The following PPM1H variants were observed in gnomAD, a reference collection of about 807,000 sequenced individuals.
PPM1H encodes protein phosphatase, Mg2+/Mn2+ dependent 1H.
In PPM1H, 27 loss-of-function variants were observed where a neutral mutation model predicts 54.9. The ratio of observed to expected loss-of-function variants is 0.49; its 90% confidence interval spans 0.36 to 0.68. The LOEUF is 0.68. Ranked by LOEUF, PPM1H falls within the 30% of genes least tolerant of loss-of-function variation. The pLI, the probability that PPM1H is intolerant of heterozygous loss-of-function variation, is 0.00. For missense variants in PPM1H, 596 were observed against 667.8 expected (o/e 0.89, Z 1.19); for synonymous variants, 305 against 270.8 (o/e 1.13, Z -1.24).
intron 4 of PPM1H, among the ~76,000 whole-genome samples, chr12:62,754,108 C>T (rs2076456446): frequency 6.6e-6 from 1 of 152,126 alleles, no homozygotes; most frequent in Non-Finnish European, 1.5e-5. Flanking sequence ...CCCAAAAGTC[C>T]TCAAAAATGA....
intron 5 of PPM1H, among the ~76,000 whole-genome samples, chr12:62,737,191 A>G (rs1438890427): frequency 6.8e-6 from 1 of 147,306 alleles, no homozygotes; most frequent in Non-Finnish European, 1.5e-5. Context: ...TCAAAACTGC[A>G]TTTCACATTG....
intron 6 of PPM1H, among the ~76,000 whole-genome samples, chr12:62,695,905 G>A (rs545811275): frequency 6.6e-6 from 1 of 152,320 alleles, no homozygotes; most frequent in East Asian, 1.9e-4. Context: ...TGAGGAGACA[G>A]GCCCGCACAG....
At chr12:62,740,481 C>G (rs1441688728) in intron 4 of PPM1H, among the ~76,000 whole-genome samples, 1 of 152,208 alleles carries the variant, frequency 6.6e-6, no homozygotes, top group African/African-American at 2.4e-5. Context: ...CAGTATTCTC[C>G]CTGGGTGCTC....
In PPM1H at chr12:62,683,030, TTATTTATTA is replaced by T. The variant is rs1421094650; in HGVS notation, c.1245+6660_1245+6668del. Among the ~76,000 whole-genome samples, 9 of 126,638 alleles carry T rather than the reference TTATTTATTA, an allele frequency of 7.1e-5. No individual in the cohort carries two copies. In the South Asian group the frequency reaches 1.3e-3, roughly 18 times the overall value. 83.1% of individuals were successfully genotyped at this position (126,638 alleles called of 152,430 possible). On this transcript the variant is annotated intron_variant, in intron 8 of 9. Transcript: ENST00000228705. ...TAGATACTACATTTGGGAGAGTTTA[TTATTTATTA>T]TTATTATTATTATTATTATTATTAT... is the stretch of plus-strand genomic sequence containing the variant.
chr12:62,845,146 G>A (rs960964759), intron 1 of PPM1H, among the ~76,000 whole-genome samples: 11 of 152,218 alleles, frequency 7.2e-5, no homozygotes, highest in African/African-American at 2.7e-4. Context: ...CTGCAAAGGA[G>A]GGAAATTCCA....
chr12:62,800,763 C>T (rs867094964), intron 3 of PPM1H, among the ~76,000 whole-genome samples: 3 of 152,276 alleles, frequency 2.0e-5, no homozygotes, highest in South Asian at 4.1e-4. Flanking sequence ...ATCTTTAAAA[C>T]CAAAATAATT....
chr12:62,875,301 C>G (rs989827321), intron 1 of PPM1H, among the ~76,000 whole-genome samples: 1 of 152,116 alleles, frequency 6.6e-6, no homozygotes, highest in Non-Finnish European at 1.5e-5. Context: ...CAATTCCCCC[C>G]AAAAATCCTA....
rs549401542 is a variant in PPM1H at position 62,871,567 on chromosome 12, G to C, written c.246-39288C>G. ...TCTCACTCTGTTGTCCATGCTGGAG[G>C]GTACTGGTGCCATCTTGGCTCACTG... On this transcript the variant is annotated intron_variant, in intron 1 of 9. Coordinates refer to ENST00000228705, the MANE Select transcript of PPM1H (RefSeq NM_020700.2). Among the ~76,000 whole-genome samples, 4 of 149,050 alleles carry C rather than the reference G, an allele frequency of 2.7e-5. No individual in the cohort carries two copies. In the East Asian group the frequency reaches 6.0e-4, roughly 22 times the overall value.
At chr12:62,732,058 G>A (rs1237548396) in intron 5 of PPM1H, among the ~76,000 whole-genome samples, 1 of 152,096 alleles carries the variant, frequency 6.6e-6, no homozygotes, top group East Asian at 1.9e-4. Flanking sequence ...AATCACCATG[G>A]AGACCTTAGA....
chr12:62,726,053 A>G (rs988215019), intron 5 of PPM1H, among the ~76,000 whole-genome samples: 10 of 151,758 alleles, frequency 6.6e-5, no homozygotes, highest in African/African-American at 2.2e-4. Context: ...TATTTTTACC[A>G]CTCTCTCTTT....
At chr12:62,819,010 G>T (rs150551067) in intron 2 of PPM1H, among the ~76,000 whole-genome samples, 1 of 151,786 alleles carries the variant, frequency 6.6e-6, no homozygotes, top group Non-Finnish European at 1.5e-5. Context: ...CAGTAGAGAC[G>T]GGGTTTCACT....
At chr12:62,771,404 G>C (rs1358854247) in intron 4 of PPM1H, among the ~76,000 whole-genome samples, 1 of 151,668 alleles carries the variant, frequency 6.6e-6, no homozygotes, top group Non-Finnish European at 1.5e-5. Flanking sequence ...TAAGAATACA[G>C]TTCTAGGGTC....
intron 4 of PPM1H, among the ~76,000 whole-genome samples, chr12:62,777,397 C>T (rs2076617294): frequency 6.6e-6 from 1 of 152,202 alleles, no homozygotes; most frequent in Non-Finnish European, 1.5e-5. Context: ...CTGCCTACTT[C>T]ACGGTAGCTT....
At chr12:62,715,955 T>C (rs1386704511) in intron 6 of PPM1H, among the ~76,000 whole-genome samples, 1 of 152,188 alleles carries the variant, frequency 6.6e-6, no homozygotes, top group East Asian at 1.9e-4. Context: ...AGAGGGCCCC[T>C]GCTTAAATGT....
chr12:62,785,946 G>A (rs773966681), intron 4 of PPM1H, among the ~76,000 whole-genome samples: 2 of 152,156 alleles, frequency 1.3e-5, no homozygotes, highest in East Asian at 1.9e-4. Context: ...TTCCAGCCGG[G>A]AAGTTGAGTT....
chr12:62,776,568 A>C (rs2076612506), intron 4 of PPM1H, among the ~76,000 whole-genome samples: 1 of 152,208 alleles, frequency 6.6e-6, no homozygotes, highest in Non-Finnish European at 1.5e-5. Flanking sequence ...CTTGTGCTTT[A>C]AGCACATCAT....
At chr12:62,779,079 C>G (rs560795210) in intron 4 of PPM1H, among the ~76,000 whole-genome samples, 1 of 152,002 alleles carries the variant, frequency 6.6e-6, no homozygotes, top group East Asian at 1.9e-4. Context: ...GCTCTGTCAC[C>G]CAGGCTGGAG....
At chr12:62,913,898 C>G (rs1428830788) in intron 1 of PPM1H, among the ~76,000 whole-genome samples, 2 of 152,096 alleles carry the variant, frequency 1.3e-5, no homozygotes, top group Non-Finnish European at 2.9e-5. Flanking sequence ...TGGGATTTTA[C>G]CATGTTGGCC....
chr12:62,783,128 G>A (rs972050567), intron 4 of PPM1H, among the ~76,000 whole-genome samples: 5 of 152,076 alleles, frequency 3.3e-5, no homozygotes, highest in African/African-American at 9.7e-5. Flanking sequence ...CACTGCACTC[G>A]GCCAAAAACA....
Sources: gnomAD v4.1 joint callset for allele counts (sites outside exome capture counted in the v4.1 genomes callset) on GRCh38, gnomAD v4.1.1 for gene constraint, MANE v1.5 for transcripts, NCBI Gene and HGNC (gene_info 2026-07-23, HGNC 2026-07-21) for gene names.